The following CCDC192 variants were observed in gnomAD, a reference collection of about 807,000 sequenced individuals.
CCDC192 encodes the protein coiled-coil domain-containing protein 192.
intron 5 of CCDC192, among the ~76,000 whole-genome samples, chr5:127,817,511 T>A (rs1397323478): frequency 6.6e-6 from 1 of 152,198 alleles, no homozygotes; most frequent in Non-Finnish European, 1.5e-5. Flanking sequence ...TTGAAAATAC[T>A]GTGTTAAGTG....
At chr5:127,909,218 A>G (rs1006182418) in intron 6 of CCDC192, among the ~76,000 whole-genome samples, 3 of 152,190 alleles carry the variant, frequency 2.0e-5, no homozygotes, top group Admixed American at 6.5e-5. Flanking sequence ...TCTGGGGCCA[A>G]TTTCACTGCC....
intron 6 of CCDC192, among the ~76,000 whole-genome samples, chr5:127,929,168 C>A (rs1165783631): frequency 2.0e-5 from 3 of 152,202 alleles, no homozygotes; most frequent in Admixed American, 2.0e-4. Context: ...CATTTTATTT[C>A]ATCATTTTTA....
intron 6 of CCDC192, among the ~76,000 whole-genome samples, chr5:127,936,308 C>T (rs1754185464): frequency 6.6e-6 from 1 of 152,182 alleles, no homozygotes; most frequent in African/African-American, 2.4e-5. Context: ...TGTCACTTTT[C>T]TCAGAGCATA....
intron 3 of CCDC192, 95 bp from the exon 4 acceptor site, chr5:127,797,008 C>G: frequency 2.6e-6 from 1 of 381,378 alleles, no homozygotes; most frequent in Non-Finnish European, 4.6e-6. Flanking sequence ...TTAGTAGATA[C>G]TGGTGGAAGA....
intron 2 of CCDC192, among the ~76,000 whole-genome samples, chr5:127,714,092 A>G (rs1667382706): frequency 6.6e-6 from 1 of 152,036 alleles, no homozygotes; most frequent in Non-Finnish European, 1.5e-5. Flanking sequence ...ATTATGCAGT[A>G]TTTGTCTTTC....
At chr5:127,713,228 C>CT (rs1751438905) in intron 2 of CCDC192, among the ~76,000 whole-genome samples, 1 of 150,078 alleles carries the variant, frequency 6.7e-6, no homozygotes, top group South Asian at 2.1e-4. Flanking sequence ...CAGCGAAACT[C>CT]TATCTCAAAA....
intron 5 of CCDC192, among the ~76,000 whole-genome samples, chr5:127,843,869 A>G (rs557826795): frequency 6.6e-6 from 1 of 152,194 alleles, no homozygotes; most frequent in African/African-American, 2.4e-5. Context: ...ATAACATTCT[A>G]TGTGATGTAA....
upstream of CCDC192, among the ~76,000 whole-genome samples, chr5:127,702,546 C>T (rs117522242): frequency 1.2e-3 from 179 of 152,272 alleles, 4 homozygotes; most frequent in East Asian, 0.027. Context: ...ATTCCTGTTA[C>T]TATTGTAGTT....
intron 6 of CCDC192, among the ~76,000 whole-genome samples, chr5:127,924,807 C>T (rs10477678): frequency 0.16 from 23,574 of 152,020 alleles, 4,473 homozygotes; most frequent in African/African-American, 0.43. Flanking sequence ...TACTCTGTTC[C>T]GGTGTAATTG....
At chr5:127,771,461 AG>A (rs1755547338) in intron 3 of CCDC192, among the ~76,000 whole-genome samples, 1 of 152,214 alleles carries the variant, frequency 6.6e-6, no homozygotes, top group Non-Finnish European at 1.5e-5. Flanking sequence ...GATAATGGAG[AG>A]GGAGGCAATG....
chr5:127,852,336 T>C (rs914519735), intron 5 of CCDC192, among the ~76,000 whole-genome samples: 2 of 152,222 alleles, frequency 1.3e-5, no homozygotes, highest in South Asian at 2.1e-4. Context: ...TTTTACATGA[T>C]AGACAGGAGA....
At chr5:127,836,237 T>C (rs1750028311) in intron 5 of CCDC192, among the ~76,000 whole-genome samples, 1 of 152,216 alleles carries the variant, frequency 6.6e-6, no homozygotes, top group Non-Finnish European at 1.5e-5. Flanking sequence ...TGACTCCATG[T>C]CTCACATCCA....
At chr5:127,827,368 T>G (rs553572098) in intron 5 of CCDC192, among the ~76,000 whole-genome samples, 5 of 152,328 alleles carry the variant, frequency 3.3e-5, no homozygotes, top group Admixed American at 2.0e-4. Flanking sequence ...TTCCAGCATT[T>G]GCTTTTCTTG....
intron 6 of CCDC192, among the ~76,000 whole-genome samples, chr5:127,887,837 G>A (rs1440976163): frequency 6.6e-6 from 1 of 151,200 alleles, no homozygotes; most frequent in Non-Finnish European, 1.5e-5. Context: ...CCAAGTAGCT[G>A]GGACTACAGG....
intron 2 of CCDC192, among the ~76,000 whole-genome samples, chr5:127,709,604 T>G (rs536509584): frequency 3.5e-4 from 53 of 152,328 alleles, no homozygotes; most frequent in African/African-American, 1.3e-3. Context: ...AGCTCTCAAA[T>G]TTATAATAAT....
intron 2 of CCDC192, among the ~76,000 whole-genome samples, chr5:127,739,303 G>A (rs1336293433): frequency 6.6e-6 from 1 of 152,150 alleles, no homozygotes; most frequent in Non-Finnish European, 1.5e-5. Flanking sequence ...ATCTCCAGCT[G>A]GGTGCTGGGA....
At chr5:127,772,411 G>A (rs1436905574) in intron 3 of CCDC192, among the ~76,000 whole-genome samples, 1 of 149,446 alleles carries the variant, frequency 6.7e-6, no homozygotes, top group Non-Finnish European at 1.5e-5. Context: ...ACGTTGAGGT[G>A]AGCCAAGATC....
intron 1 of CCDC192, 98 bp from the exon 2 acceptor site, chr5:127,707,611 C>T (rs916276454): frequency 1.8e-5 from 7 of 390,936 alleles, no homozygotes; most frequent in Non-Finnish European, 2.3e-5. Context: ...TTAAATGTTA[C>T]AGTGTAATGA....
intron 2 of CCDC192, 142 bp downstream of exon 2, chr5:127,707,902 TAGAA>T (rs1333266083): frequency 2.7e-6 from 1 of 369,294 alleles, no homozygotes; most frequent in East Asian, 3.8e-5. Flanking sequence ...AAATAAAACA[TAGAA>T]AGTTGTTTTC....
Sources: allele counts gnomAD v4.1 joint callset (sites outside exome capture counted in the v4.1 genomes callset), GRCh38; gene constraint gnomAD v4.1.1; transcripts MANE v1.5; gene names NCBI Gene and HGNC (gene_info 2026-07-23, HGNC 2026-07-21).